EPM2A: variants seen among roughly 807,000 people sequenced by gnomAD.
The protein encoded by EPM2A is EPM2A glucan phosphatase, laforin, also known as laforin.
EPM2A carries 21 observed loss-of-function variants against 26.5 expected under a neutral mutation model. The ratio of observed to expected loss-of-function variants is 0.79; its 90% CI spans 0.56 to 1.14. The LOEUF (loss-of-function observed/expected upper bound fraction) is 1.14. Ranked by LOEUF, EPM2A falls within the 50% of genes most tolerant of loss-of-function variation. EPM2A has a pLI of 0.00. For missense variants in EPM2A, 458 were observed against 440.8 expected, an observed-to-expected ratio of 1.04 and a Z score of -0.35; for synonymous variants, 217 against 177.6, an observed-to-expected ratio of 1.22 and a Z score of -1.76.
chr6:145,543,299 G>A (rs1448818433), intron 2 of EPM2A, among the ~76,000 whole-genome samples: 1 of 152,024 alleles, frequency 6.6e-6, no homozygotes, highest in Non-Finnish European at 1.5e-5. Context: ...AGAATGATTA[G>A]TGAATCCAGA....
At chr6:145,547,151 C>G (rs1780592586) in intron 2 of EPM2A, among the ~76,000 whole-genome samples, 1 of 152,104 alleles carries the variant, frequency 6.6e-6, no homozygotes. Context: ...TATCAACTTT[C>G]TATCAAAATT....
At chr6:145,617,053 CA>C (rs753876838) in intron 2 of EPM2A, among the ~76,000 whole-genome samples, 3 of 151,958 alleles carry the variant, frequency 2.0e-5, no homozygotes, top group East Asian at 3.9e-4. Context: ...TGGGAGGGGT[CA>C]GGGGTGGAAT....
intron 2 of EPM2A, among the ~76,000 whole-genome samples, chr6:145,668,957 T>G (rs1779443719): frequency 6.6e-6 from 1 of 152,156 alleles, no homozygotes; most frequent in African/African-American, 2.4e-5. Flanking sequence ...CAAGTAGATG[T>G]TATCAGTGTA....
intron 2 of EPM2A, among the ~76,000 whole-genome samples, chr6:145,540,413 A>C (rs1429850980): frequency 6.6e-6 from 1 of 152,178 alleles, no homozygotes; most frequent in African/African-American, 2.4e-5. Flanking sequence ...GGTTCTGAAG[A>C]AGTTATCTTT....
chr6:145,390,563 T>TTCTCTCTCTCTCTCTCTCTCTCTCTC (rs61299104), intron 4 of EPM2A, among the ~76,000 whole-genome samples: 3 of 148,520 alleles, frequency 2.0e-5, no homozygotes, highest in African/African-American at 7.4e-5. Flanking sequence ...TGCATGCACA[T>TTCTCTCTCTCTCTCTCTCTCTCTCTC]TCTCTCTCTC....
chr6:145,558,783 A>T (rs1258918522), intron 2 of EPM2A, among the ~76,000 whole-genome samples: 1 of 152,160 alleles, frequency 6.6e-6, no homozygotes, highest in African/African-American at 2.4e-5. Context: ...CTAATGTTGT[A>T]GATACGGTAA....
chr6:145,533,699 T>A (rs1309647594), intron 2 of EPM2A, among the ~76,000 whole-genome samples: 1 of 152,150 alleles, frequency 6.6e-6, no homozygotes, highest in Non-Finnish European at 1.5e-5. Context: ...TTAGTTCAAA[T>A]GTCTCCTCCT....
At chr6:145,512,538 C>G (rs919260240) in intron 2 of EPM2A, among the ~76,000 whole-genome samples, 1 of 151,438 alleles carries the variant, frequency 6.6e-6, no homozygotes, top group Non-Finnish European at 1.5e-5. Flanking sequence ...ATGGTGAAAC[C>G]CTGTCTCTAC....
intron 4 of EPM2A, among the ~76,000 whole-genome samples, chr6:145,477,370 C>T (rs926056771): frequency 6.6e-6 from 1 of 151,830 alleles, no homozygotes; most frequent in Non-Finnish European, 1.5e-5. Context: ...TAATACCAAT[C>T]CTACTCAAAA....
chr6:145,537,507 A>G (rs1422316713), intron 2 of EPM2A, among the ~76,000 whole-genome samples: 1 of 151,378 alleles, frequency 6.6e-6, no homozygotes, highest in African/African-American at 2.4e-5. Flanking sequence ...TTATTGTTAT[A>G]TACTTCTTGG....
intron 2 of EPM2A, among the ~76,000 whole-genome samples, chr6:145,532,735 C>A (rs1043041466): frequency 6.6e-6 from 1 of 152,042 alleles, no homozygotes; most frequent in Non-Finnish European, 1.5e-5. Context: ...TGGGACAGAC[C>A]CCCGTACTCC....
At chr6:145,445,379 C>T (rs1200997256) in intron 4 of EPM2A, among the ~76,000 whole-genome samples, 1 of 152,142 alleles carries the variant, frequency 6.6e-6, no homozygotes, top group African/African-American at 2.4e-5. Flanking sequence ...GACATTTGAG[C>T]TTGTCTTCCA....
downstream of EPM2A, among the ~76,000 whole-genome samples, chr6:145,500,969 A>T (rs1779881834): frequency 6.6e-6 from 1 of 152,338 alleles, no homozygotes. Context: ...ATAATTTGAC[A>T]GTCAGATTCA....
At chr6:145,490,925 G>T (rs754582841) in intron 4 of EPM2A, 7 of 747,500 alleles carry the variant, frequency 9.4e-6, no homozygotes, top group Non-Finnish European at 1.6e-5. Flanking sequence ...AGAGGAACTT[G>T]TGTTCTGTGT....
chr6:145,479,249 T>G (rs965250843), intron 4 of EPM2A, among the ~76,000 whole-genome samples: 1 of 147,580 alleles, frequency 6.8e-6, no homozygotes, highest in Admixed American at 6.8e-5. Context: ...TAAAATAAAA[T>G]TAGCCAATTA....
chr6:145,527,608 A>ATG (rs746444624), intron 2 of EPM2A, among the ~76,000 whole-genome samples: 16 of 151,674 alleles, frequency 1.1e-4, no homozygotes, highest in African/African-American at 1.5e-4. Flanking sequence ...TCCTCTGCTC[A>ATG]TGTGTGTGTG....
chr6:145,409,998 A>G (rs1778622293), intron 4 of EPM2A, among the ~76,000 whole-genome samples: 1 of 152,170 alleles, frequency 6.6e-6, no homozygotes, highest in East Asian at 1.9e-4. Context: ...GAAACACATC[A>G]TCATTTCTGC....
intron 4 of EPM2A, chr6:145,490,970 CTAA>C: frequency 1.2e-6 from 1 of 868,186 alleles, no homozygotes; most frequent in South Asian, 1.3e-5. Flanking sequence ...TCCACTTCCT[CTAA>C]TGTTTTGATG....
At chr6:145,533,535 C>T (rs775032399) in intron 2 of EPM2A, among the ~76,000 whole-genome samples, 7 of 152,174 alleles carry the variant, frequency 4.6e-5, no homozygotes, top group Non-Finnish European at 8.8e-5. Flanking sequence ...TACTTCTCTG[C>T]CTCCATCCCC....
Sources: gnomAD v4.1 joint callset for allele counts (sites outside exome capture counted in the v4.1 genomes callset) on GRCh38, gnomAD v4.1.1 for gene constraint, MANE v1.5 for transcripts, NCBI Gene and HGNC (gene_info 2026-07-23, HGNC 2026-07-21) for gene names.